EIF4A3: variants seen among roughly 807,000 people sequenced by gnomAD.
EIF4A3 encodes the protein eukaryotic initiation factor 4A-III.
EIF4A3 carries 1 observed loss-of-function variant against 55.6 expected under a neutral mutation model. The observed-to-expected ratio is 0.02, with a 90% CI of 0.01 to 0.09. EIF4A3 has a LOEUF of 0.09. Ranked by LOEUF, EIF4A3 falls within the 10% of genes least tolerant of loss-of-function variation. The probability of loss-of-function intolerance (pLI) is 1.00; values close to 1 mark genes in which losing one functional copy is unlikely to be tolerated. For synonymous variants in EIF4A3, 194 were observed against 196.3 expected (o/e 0.99, Z 0.10); for missense variants, 221 against 540.7 (o/e 0.41, Z 5.86).
intron 11 of EIF4A3, 154 bp from the exon 12 acceptor site, chr17:80,135,660 C>A: frequency 1.5e-6 from 1 of 681,542 alleles, no homozygotes; most frequent in South Asian, 2.0e-5. Flanking sequence ...CTTTGGGAGG[C>A]TGAGGTGGGC....
intron 7 of EIF4A3, chr17:80,138,611 G>A (rs959700713): frequency 5.7e-6 from 2 of 349,500 alleles, no homozygotes; most frequent in Non-Finnish European, 1.1e-5. Flanking sequence ...GTTTTGTTTT[G>A]TTTGAGACAG....
intron 1 of EIF4A3, among the ~76,000 whole-genome samples, chr17:80,145,829 T>C (rs1240828805): frequency 6.6e-6 from 1 of 152,080 alleles, no homozygotes. Context: ...CCAACTCTCC[T>C]CCTTCTGTCA....
At chr17:80,146,665 C>A (rs1323265998) in intron 1 of EIF4A3, 128 bp downstream of exon 1, 49 of 1,178,588 alleles carry the variant, frequency 4.2e-5, no homozygotes, top group Non-Finnish European at 4.4e-5. Flanking sequence ...GTCACTGGCC[C>A]CCGAGCCTCG....
In EIF4A3 at chr17:80,147,106, T is replaced by C. The variant is rs889273422; in HGVS notation, c.-145A>G. On this transcript the variant is annotated 5_prime_UTR_variant, in exon 1 of 12. Coordinates refer to ENST00000649764, the MANE Select transcript of EIF4A3 (RefSeq NM_014740.4). ...CTCGCTGTGCCGCTGCCGACCTCGC[T>C]GTGCCGCTGCCGACCTCGCTGTGCC... 1.9e-4 allele frequency: 224 copies of C among 1,199,686 alleles called. 4 individuals carry two copies. The African/African-American group carries it at 3.5e-3, about 19-fold the overall frequency. 74.3% of individuals were successfully genotyped at this position (1,199,686 alleles called of 1,614,324 possible).
chr17:80,145,496 G>A (rs1364068281), intron 1 of EIF4A3, among the ~76,000 whole-genome samples: 2 of 152,126 alleles, frequency 1.3e-5, no homozygotes, highest in African/African-American at 2.4e-5. Context: ...CCCCAGAAGT[G>A]GAAGTTGCAA....
chr17:80,138,527 A>G (rs2039592023), intron 7 of EIF4A3: 2 of 454,164 alleles, frequency 4.4e-6, no homozygotes, highest in African/African-American at 2.5e-5. Context: ...AAACACTGAT[A>G]AATAAATAGT....
rs752457958 is a variant in EIF4A3 at position 80,136,146 on chromosome 17, T to C, written c.1092-15A>G. On this transcript the variant is annotated splice_polypyrimidine_tract_variant and intron_variant, in intron 10 of 11. Coordinates refer to ENST00000649764, the MANE Select transcript of EIF4A3 (RefSeq NM_014740.4). The stretch of plus-strand genomic sequence containing the variant: ...ATCTCCCAATTCTTCAGGAATAAAA[T>C]AATATTACAGTTAGTATATATAACA... 46 of 1,608,588 alleles carry C rather than the reference T, an allele frequency of 2.9e-5. 1 individual carries two copies. In the South Asian group the frequency reaches 4.5e-4, roughly 16 times the overall value.
intron 11 of EIF4A3, 195 bp from the exon 12 acceptor site, chr17:80,135,701 GCCTGGCCAACATGGTGAAACC>G (rs1043514745): frequency 1.6e-6 from 1 of 619,914 alleles, no homozygotes; most frequent in Non-Finnish European, 2.8e-6. Flanking sequence ...TTCGAGACCA[GCCTGGCCAACATGGTGAAACC>G]CCGTCTCTAC....
In EIF4A3 at chr17:80,147,031, G is replaced by GCCGCTGCCGACC. The variant is rs2039673221; in HGVS notation, c.-82_-71dup. On this transcript the variant is annotated 5_prime_UTR_variant, in exon 1 of 12. Transcript: ENST00000649764. ...TCGCTGCCGCTGCCGACCTCGCTGT[G>GCCGCTGCCGACC]CCGCTGCCGACCTCGCTGCCGCTGC... The GCCGCTGCCGACC allele has an allele frequency of 7.2e-7, 1 of 1,387,738 alleles. No individual in the cohort carries two copies. Among genetic ancestry groups the GCCGCTGCCGACC allele is most frequent in the African/African-American group, 1.8e-5 (1 of 54,580 alleles). 86.0% of individuals were successfully genotyped at this position (1,387,738 alleles called of 1,614,324 possible). A position where few individuals can be genotyped will look rare whatever the true frequency, so the allele number is the denominator to read the frequency against.
chr17:80,146,891 G>C lies in EIF4A3; in HGVS notation c.71C>G (p.Thr24Ser). The change falls in exon 1 of 12, where the codon ACT (threonine) becomes AGT (serine). Residue 24 changes from threonine (T) to serine (S), a missense_variant. Physicochemically the swap from Thr to Ser is moderately conservative, Grantham distance 58 (BLOSUM62 1). This residue lies in a region of EIF4A3 where 43 missense variants were observed against 39.1 expected (regional missense o/e 1.10). Transcript: ENST00000649764. ...RKRLLKEEDM[T>S]KVEFETSEEV... is the part of the protein sequence containing the mutation. Reference sequence around the variant, plus strand: ...CTCGCTGGTCTCGAATTCCACTTTAGTCATGTCTTCCTCTTTGAGCAGCCG... The same window carrying C: ...CTCGCTGGTCTCGAATTCCACTTTACTCATGTCTTCCTCTTTGAGCAGCCG... 2 of 1,611,362 alleles carry C rather than the reference G, an allele frequency of 1.2e-6. No individual in the cohort carries two copies. The highest frequency in any genetic ancestry group is 1.7e-6 in the Non-Finnish European group (2 of 1,179,060).
In EIF4A3 at chr17:80,134,912, G is replaced by A. The variant is rs1360881293; in HGVS notation, c.*578C>T. Among the ~76,000 whole-genome samples the A allele has an allele frequency of 2.6e-5, 4 of 152,206 alleles. No individual in the cohort carries two copies. The highest frequency in any genetic ancestry group is 9.6e-5 in the African/African-American group (4 of 41,460). The stretch of plus-strand genomic sequence containing the variant: ...CACGCCTGTAATCCCAGCACTTTGG[G>A]AGGCCGAGGTGGGTGGATCACGAGG... On this transcript the variant is annotated 3_prime_UTR_variant, in exon 12 of 12. Coordinates refer to ENST00000649764, the MANE Select transcript of EIF4A3 (RefSeq NM_014740.4).
At chr17:80,139,281 G>A (rs1300455401) in intron 6 of EIF4A3, 119 bp from the exon 7 acceptor site, 3 of 1,370,098 alleles carry the variant, frequency 2.2e-6, no homozygotes, top group Non-Finnish European at 3.0e-6. Flanking sequence ...ACGTTTGACA[G>A]GAAATCTCAT....
intron 2 of EIF4A3, among the ~76,000 whole-genome samples, chr17:80,142,839 G>A (rs2039629040): frequency 6.6e-6 from 1 of 152,092 alleles, no homozygotes; most frequent in Non-Finnish European, 1.5e-5. Context: ...AGGAGTTTGA[G>A]AGCAGCCTGG....
At chr17:80,146,279 A>T (rs1598607468) in intron 1 of EIF4A3, among the ~76,000 whole-genome samples, 1 of 152,096 alleles carries the variant, frequency 6.6e-6, no homozygotes, top group Middle Eastern at 3.4e-3. Flanking sequence ...ACTCTGCTCA[A>T]ATGGCACCCC....
At position 80,146,770 on chromosome 17, in the gene EIF4A3, CCCCGCGGCCCGCG is replaced by C; in HGVS notation, c.169+10_169+22del. ...CGCCCCCGACTCGCCCCCGGCTGGC[CCCCGCGGCCCGCG>C]CCCGCTCACCGTAAGCGTAGATGCC... On this transcript the variant is annotated intron_variant, in intron 1 of 11. Transcript: ENST00000649764. 3.1e-6 allele frequency: 5 copies of C among 1,599,920 alleles called. No individual in the cohort carries two copies. Among genetic ancestry groups the C allele is most frequent in the Non-Finnish European group, 4.2e-6 (5 of 1,177,252 alleles).
intron 1 of EIF4A3, among the ~76,000 whole-genome samples, chr17:80,145,394 T>G (rs953223194): frequency 1.3e-5 from 2 of 151,936 alleles, no homozygotes. Flanking sequence ...CAAAATCCCC[T>G]CCCTACTAAA....
intron 2 of EIF4A3, among the ~76,000 whole-genome samples, chr17:80,142,160 T>C (rs2039623779): frequency 6.6e-6 from 1 of 152,206 alleles, no homozygotes; most frequent in South Asian, 2.1e-4. Flanking sequence ...CTTTTCCTTC[T>C]AGGATTTTGG....
chr17:80,135,526 CA>C lies in EIF4A3; in HGVS notation c.1220-21del, dbSNP rs1567847656. 1.3e-5 allele frequency: 20 copies of C among 1,550,012 alleles called. No homozygotes were observed. Among genetic ancestry groups the C allele is most frequent in the Non-Finnish European group, 1.7e-5 (20 of 1,144,660 alleles). ...CAGCAACTGAAAGTGAAGAAAGAAACAGATTAAGGAACAACACAAACAAAAT... is the reference window on the plus strand; with the variant it reads ...CAGCAACTGAAAGTGAAGAAAGAAACGATTAAGGAACAACACAAACAAAAT... On this transcript the variant is annotated intron_variant, in intron 11 of 11. Transcript: ENST00000649764.
intron 7 of EIF4A3, 43 bp downstream of exon 7, chr17:80,138,978 T>C (rs752824112): frequency 1.2e-6 from 2 of 1,603,308 alleles, no homozygotes; most frequent in Admixed American, 1.7e-5. Flanking sequence ...CCTTTATAAA[T>C]GCGGCCCAGT....
Sources: allele counts gnomAD v4.1 joint callset (sites outside exome capture counted in the v4.1 genomes callset), GRCh38; gene constraint gnomAD v4.1.1; regional missense constraint gnomAD v4.1.1; transcripts MANE v1.5; gene names NCBI Gene and HGNC (gene_info 2026-07-23, HGNC 2026-07-21).